Variants in TNFRSF21 observed in about 807,000 individuals in gnomAD.
The protein encoded by TNFRSF21 is TNF receptor superfamily member 21.
Under a neutral mutation model 45.6 loss-of-function variants are expected in TNFRSF21, and 19 were observed. That is an observed-to-expected ratio of 0.42 (90% confidence interval 0.29 to 0.61). The LOEUF (loss-of-function observed/expected upper bound fraction) is 0.61, where lower values mean the gene tolerates loss of function less well. TNFRSF21 is among the 20% of genes least tolerant of loss of function. The pLI, the probability that TNFRSF21 is intolerant of heterozygous loss-of-function variation, is 0.23. For missense variants in TNFRSF21, 737 were observed against 851.5 expected (o/e 0.87, Z 1.67); for synonymous variants, 314 against 335.5 (o/e 0.94, Z 0.70).
intron 1 of TNFRSF21, among the ~76,000 whole-genome samples, chr6:47,302,660 C>G (rs75633350): frequency 0.01 from 1,524 of 152,262 alleles, 12 homozygotes; most frequent in African/African-American, 0.034. Context: ...GCTAAACTTC[C>G]AAGCACCATC....
At chr6:47,234,246 G>T (rs1019845933) in intron 5 of TNFRSF21, among the ~76,000 whole-genome samples, 3 of 152,118 alleles carry the variant, frequency 2.0e-5, no homozygotes, top group African/African-American at 7.2e-5. Context: ...CAAAGTGCTC[G>T]GATTACAGGC....
intron 3 of TNFRSF21, among the ~76,000 whole-genome samples, chr6:47,273,224 T>C (rs149820025): frequency 0.021 from 3,269 of 152,262 alleles, 135 homozygotes; most frequent in African/African-American, 0.075. Context: ...AAGAGAATTT[T>C]AGACCAATAT....
chr6:47,300,462 T>C (rs1469228958), intron 1 of TNFRSF21, among the ~76,000 whole-genome samples: 3 of 152,366 alleles, frequency 2.0e-5, no homozygotes, highest in East Asian at 3.9e-4. Context: ...GGCCTCCAGC[T>C]TCTATGCTCC....
rs79402817 is a variant in TNFRSF21, at chr6:47,280,681, T to C, written c.1243+3257A>G. On this transcript the variant is annotated intron_variant, in intron 3 of 5. Coordinates refer to ENST00000296861, the MANE Select transcript of TNFRSF21 (RefSeq NM_014452.5). ...ATTATTTTTACAAAATAGGATATTG[T>C]TTTAAGGACACAGGCATAGTAGTTT... 8.5e-3 allele frequency among the ~76,000 whole-genome samples: 1,301 copies of C among 152,330 alleles called. 21 individuals are homozygous for C. Among genetic ancestry groups the C allele is most frequent in the African/African-American group, 0.03 (1,231 of 41,578 alleles).
chr6:47,280,602 T>A (rs115776561), intron 3 of TNFRSF21, among the ~76,000 whole-genome samples: 4,214 of 152,350 alleles, frequency 0.028, 205 homozygotes, highest in African/African-American at 0.096. Flanking sequence ...CATATTGCTG[T>A]GGTACTGCTT....
chr6:47,303,732 A>ATGAAGGTG (rs1762903703), intron 1 of TNFRSF21, among the ~76,000 whole-genome samples: 1 of 152,340 alleles, frequency 6.6e-6, no homozygotes, highest in South Asian at 2.1e-4. Flanking sequence ...CAGGCTAGAA[A>ATGAAGGTG]TGAAGGTGGT....
intron 3 of TNFRSF21, among the ~76,000 whole-genome samples, chr6:47,268,637 T>A (rs528874984): frequency 1.3e-5 from 2 of 152,110 alleles, no homozygotes; most frequent in East Asian, 3.9e-4. Flanking sequence ...TTCTTTCACC[T>A]CCCCCAGCCT....
intron 1 of TNFRSF21, among the ~76,000 whole-genome samples, chr6:47,309,052 G>T (rs905841973): frequency 6.6e-6 from 1 of 152,210 alleles, no homozygotes; most frequent in Non-Finnish European, 1.5e-5. Flanking sequence ...AGGGGCAGTG[G>T]CCGATGGGTG....
chr6:47,239,863 C>T (rs910937616), intron 4 of TNFRSF21, among the ~76,000 whole-genome samples: 3 of 151,950 alleles, frequency 2.0e-5, no homozygotes, highest in Non-Finnish European at 4.4e-5. Flanking sequence ...ATGCCCTAAT[C>T]CCCCACTCCA....
intron 3 of TNFRSF21, among the ~76,000 whole-genome samples, chr6:47,260,542 G>A (rs1765059750): frequency 6.6e-6 from 1 of 152,064 alleles, no homozygotes; most frequent in Admixed American, 6.5e-5. Flanking sequence ...GCTTCAGGAT[G>A]CAAAAATGGG....
chr6:47,301,285 C>T (rs1453480521), intron 1 of TNFRSF21, among the ~76,000 whole-genome samples: 3 of 152,114 alleles, frequency 2.0e-5, no homozygotes, highest in Non-Finnish European at 2.9e-5. Flanking sequence ...GCCAGAAACA[C>T]AATGATGAAG....
chr6:47,269,900 C>T (rs1762390972), intron 3 of TNFRSF21, among the ~76,000 whole-genome samples: 1 of 152,206 alleles, frequency 6.6e-6, no homozygotes. Context: ...TGAAACCAGA[C>T]TTGGACATTG....
chr6:47,298,036 G>A (rs1762814112), intron 1 of TNFRSF21, among the ~76,000 whole-genome samples: 1 of 151,890 alleles, frequency 6.6e-6, no homozygotes, highest in African/African-American at 2.4e-5. Flanking sequence ...ATAAAAACTT[G>A]GTATATAGCA....
chr6:47,302,502 A>G (rs549964192), intron 1 of TNFRSF21, among the ~76,000 whole-genome samples: 1 of 152,300 alleles, frequency 6.6e-6, no homozygotes, highest in African/African-American at 2.4e-5. Flanking sequence ...TATTTATAAC[A>G]TTTCAATTTG....
intron 1 of TNFRSF21, among the ~76,000 whole-genome samples, chr6:47,299,607 C>G (rs1165611470): frequency 1.3e-5 from 2 of 152,100 alleles, no homozygotes; most frequent in Non-Finnish European, 2.9e-5. Flanking sequence ...ATGTGGCTAA[C>G]ATAACTCCTT....
intron 1 of TNFRSF21, among the ~76,000 whole-genome samples, chr6:47,300,149 A>T (rs1762845573): frequency 6.6e-6 from 1 of 152,186 alleles, no homozygotes; most frequent in South Asian, 2.1e-4. Flanking sequence ...TGGCAGCCAT[A>T]AAGGCTTGAA....
At chr6:47,293,960 A>G (rs776360538) in intron 1 of TNFRSF21, among the ~76,000 whole-genome samples, 27 of 152,228 alleles carry the variant, frequency 1.8e-4, no homozygotes, top group South Asian at 6.2e-4. Flanking sequence ...CCATGTGGAC[A>G]AGGATCAGGT....
intron 1 of TNFRSF21, among the ~76,000 whole-genome samples, chr6:47,305,809 T>C (rs1762933288): frequency 1.3e-5 from 2 of 152,196 alleles, no homozygotes; most frequent in African/African-American, 2.4e-5. Context: ...CAATTATGGC[T>C]CCCTTCTCTT....
intron 1 of TNFRSF21, among the ~76,000 whole-genome samples, chr6:47,304,923 C>T (rs575384347): frequency 7.2e-5 from 11 of 152,268 alleles, no homozygotes; most frequent in African/African-American, 2.2e-4. Flanking sequence ...CTCATGGGGT[C>T]GGTCAGGACT....
Sources: gnomAD v4.1 joint callset for allele counts (sites outside exome capture counted in the v4.1 genomes callset) on GRCh38, gnomAD v4.1.1 for gene constraint, MANE v1.5 for transcripts, NCBI Gene and HGNC (gene_info 2026-07-23, HGNC 2026-07-21) for gene names.